Variants in NOS1AP observed in about 807,000 individuals in gnomAD.
NOS1AP encodes the protein carboxyl-terminal PDZ ligand of neuronal nitric oxide synthase protein.
NOS1AP carries 21 observed loss-of-function variants against 56.2 expected under a neutral mutation model. That is an observed-to-expected ratio of 0.37 (90% CI 0.26 to 0.54). NOS1AP has a LOEUF of 0.54. NOS1AP is among the 20% of genes least tolerant of loss of function. The pLI, the probability that NOS1AP is intolerant of heterozygous loss-of-function variation, is 0.84. For synonymous variants in NOS1AP, 270 were observed against 274.6 expected, an observed-to-expected ratio of 0.98 and a Z score of 0.17; for missense variants, 522 against 657.8, an observed-to-expected ratio of 0.79 and a Z score of 2.26.
chr1:162,186,389 A>G (rs1424825206), intron 2 of NOS1AP, among the ~76,000 whole-genome samples: 1 of 152,014 alleles, frequency 6.6e-6, no homozygotes, highest in Non-Finnish European at 1.5e-5. Context: ...TTTTGAAAAG[A>G]TGAAGAAAAA....
chr1:162,131,101 G>A (rs1418979837), intron 1 of NOS1AP, among the ~76,000 whole-genome samples: 1 of 152,096 alleles, frequency 6.6e-6, no homozygotes, highest in African/African-American at 2.4e-5. Context: ...TGAATATAGT[G>A]AAAAGCATGA....
intron 7 of NOS1AP, among the ~76,000 whole-genome samples, chr1:162,356,088 A>C (rs1657696824): frequency 6.6e-6 from 1 of 152,076 alleles, no homozygotes; most frequent in African/African-American, 2.4e-5. Context: ...TCTCACATGG[A>C]GGTTTGGAGG....
intron 2 of NOS1AP, among the ~76,000 whole-genome samples, chr1:162,200,495 A>G (rs1056314350): frequency 3.3e-5 from 5 of 152,134 alleles, no homozygotes; most frequent in African/African-American, 9.7e-5. Context: ...TTGCCTGTAT[A>G]TTTTGTGAGA....
chr1:162,277,524 C>T (rs950009776), intron 2 of NOS1AP, among the ~76,000 whole-genome samples: 4 of 152,190 alleles, frequency 2.6e-5, no homozygotes, highest in African/African-American at 7.2e-5. Flanking sequence ...TGGATGAATG[C>T]AAGCACAGGT....
chr1:162,111,788 T>A (rs1215870884), intron 1 of NOS1AP, among the ~76,000 whole-genome samples: 1 of 152,110 alleles, frequency 6.6e-6, no homozygotes, highest in African/African-American at 2.4e-5. Flanking sequence ...CTCACAGTCA[T>A]CGAGAAGCTG....
chr1:162,218,578 G>A (rs1652660865), intron 2 of NOS1AP, among the ~76,000 whole-genome samples: 1 of 152,292 alleles, frequency 6.6e-6, no homozygotes, highest in South Asian at 2.1e-4. Flanking sequence ...TGTCTTCAGG[G>A]CTGATTAGAG....
intron 2 of NOS1AP, among the ~76,000 whole-genome samples, chr1:162,219,896 C>A (rs1652712470): frequency 6.6e-6 from 1 of 152,174 alleles, no homozygotes; most frequent in South Asian, 2.1e-4. Context: ...AACATTGACA[C>A]ATTAAATGCA....
rs1653630421 is a variant in NOS1AP at position 162,245,409 on chromosome 1, A to C, written c.178-41935A>C. ...GTTGATGAAGATGTCAGGGAACTGG[A>C]ACTCTCACATAATGCTGGTGGGAAT... On this transcript the variant is annotated intron_variant, in intron 2 of 9. Coordinates refer to ENST00000361897, the MANE Select transcript of NOS1AP (RefSeq NM_014697.3). Among the ~76,000 whole-genome samples, 8 of 152,240 alleles carry C rather than the reference A, an allele frequency of 5.3e-5. No homozygotes were observed. In the South Asian group the frequency reaches 1.7e-3, roughly 31 times the overall value.
chr1:162,328,934 CTGT>C lies in NOS1AP; in HGVS notation c.345-4072_345-4070del, dbSNP rs757043753. Among the ~76,000 whole-genome samples the C allele has an allele frequency of 3.9e-5, 6 of 152,234 alleles. No individual in the cohort carries two copies. In the East Asian group the frequency reaches 5.8e-4, roughly 15 times the overall value. On this transcript the variant is annotated intron_variant, in intron 4 of 9. Transcript: ENST00000361897. The stretch of plus-strand genomic sequence containing the variant: ...TTTCTACTCTAAATTGTTGTTGCTG[CTGT>C]TGTTGTTGTTTTTCTATGATCTTAA...
intron 8 of NOS1AP, among the ~76,000 whole-genome samples, chr1:162,362,450 AAAAAAAAAAAGAAG>A (rs1657934912): frequency 2.8e-5 from 1 of 35,580 alleles, no homozygotes; most frequent in Non-Finnish European, 5.6e-5. Context: ...GTCTCAAAAA[AAAAAAAAAAAGAAG>A]AAAAAAGAAA....
chr1:162,128,783 C>G (rs1162732664), intron 1 of NOS1AP, among the ~76,000 whole-genome samples: 4 of 152,178 alleles, frequency 2.6e-5, no homozygotes, highest in Non-Finnish European at 5.9e-5. Flanking sequence ...TCACATCCCA[C>G]CCCCTGCTTT....
intron 1 of NOS1AP, among the ~76,000 whole-genome samples, chr1:162,074,896 C>G (rs1338127677): frequency 9.9e-5 from 15 of 152,124 alleles, no homozygotes; most frequent in Non-Finnish European, 2.2e-4. Context: ...TGTTTGGCAG[C>G]TGGTTTTCAG....
At chr1:162,364,102 C>A in intron 8 of NOS1AP, 1 of 985,374 alleles carries the variant, frequency 1.0e-6, no homozygotes, top group Non-Finnish European at 1.2e-6. Flanking sequence ...GCCCTTTACT[C>A]CCTAAAAAAA....
intron 4 of NOS1AP, among the ~76,000 whole-genome samples, chr1:162,325,760 ATC>A (rs1166917085): frequency 2.0e-5 from 3 of 151,872 alleles, no homozygotes; most frequent in African/African-American, 7.3e-5. Flanking sequence ...TGTCTCCACC[ATC>A]TTCAGGTGAC....
intron 1 of NOS1AP, among the ~76,000 whole-genome samples, chr1:162,079,190 A>G (rs1691836434): frequency 6.6e-6 from 1 of 152,074 alleles, no homozygotes; most frequent in South Asian, 2.1e-4. Flanking sequence ...AATCTCACAC[A>G]GTGCTGATTC....
chr1:162,094,744 G>C (rs143951487), intron 1 of NOS1AP, among the ~76,000 whole-genome samples: 1 of 152,204 alleles, frequency 6.6e-6, no homozygotes, highest in African/African-American at 2.4e-5. Context: ...GTTTAGGATT[G>C]AGCAGAGAGG....
chr1:162,343,361 C>A (rs1657172578), intron 5 of NOS1AP, among the ~76,000 whole-genome samples: 1 of 152,162 alleles, frequency 6.6e-6, no homozygotes. Context: ...GCTGAGCTTC[C>A]ATTGGTTTCT....
chr1:162,154,972 G>T (rs1008822026), intron 2 of NOS1AP, among the ~76,000 whole-genome samples: 2 of 152,052 alleles, frequency 1.3e-5, no homozygotes, highest in African/African-American at 4.8e-5. Flanking sequence ...GCTTTTATTA[G>T]AAACGGTGGC....
chr1:162,206,228 C>A (rs1437467814), intron 2 of NOS1AP, among the ~76,000 whole-genome samples: 1 of 151,464 alleles, frequency 6.6e-6, no homozygotes, highest in Non-Finnish European at 1.5e-5. Context: ...GGAAAATGGA[C>A]TGGGGCATTT....
Sources: allele counts gnomAD v4.1 joint callset (sites outside exome capture counted in the v4.1 genomes callset), GRCh38; gene constraint gnomAD v4.1.1; transcripts MANE v1.5; gene names NCBI Gene and HGNC (gene_info 2026-07-23, HGNC 2026-07-21).